The following GPBP1L1 variants were observed in gnomAD, a reference collection of about 807,000 sequenced individuals.
The protein encoded by GPBP1L1 is GC-rich promoter binding protein 1 like 1, also known as vasculin-like protein 1.
GPBP1L1 carries 23 observed loss-of-function variants against 52.5 expected under a neutral mutation model. The ratio of observed to expected loss-of-function variants is 0.44; its 90% CI spans 0.32 to 0.62. The LOEUF (loss-of-function observed/expected upper bound fraction) is 0.62. GPBP1L1 is among the 20% of genes least tolerant of loss of function. The probability of loss-of-function intolerance (pLI) is 0.06; values close to 1 mark genes in which losing one functional copy is unlikely to be tolerated. For synonymous variants in GPBP1L1, 243 were observed against 203.1 expected (o/e 1.20, Z -1.67); for missense variants, 596 against 579.3 (o/e 1.03, Z -0.30).
chr1:45,632,176 A>T (rs1363520554), intron 10 of GPBP1L1, among the ~76,000 whole-genome samples: 1 of 152,220 alleles, frequency 6.6e-6, no homozygotes, highest in African/African-American at 2.4e-5. Flanking sequence ...TCTTCAAGGA[A>T]GCAGGTTGGC....
intron 2 of GPBP1L1, among the ~76,000 whole-genome samples, chr1:45,680,364 G>A (rs1000879441): frequency 6.6e-6 from 1 of 150,728 alleles, no homozygotes; most frequent in African/African-American, 2.4e-5. Flanking sequence ...TCAGCCTCCA[G>A]AGCAGCTGGG....
chr1:45,683,284 G>A (rs1276283489), intron 2 of GPBP1L1, among the ~76,000 whole-genome samples: 1 of 137,928 alleles, frequency 7.3e-6, no homozygotes, highest in Non-Finnish European at 1.5e-5. Context: ...CGGCTCACTG[G>A]AAGCTCTGCC....
intron 8 of GPBP1L1, among the ~76,000 whole-genome samples, chr1:45,638,438 T>TAA (rs1292074936): frequency 6.6e-6 from 1 of 152,212 alleles, no homozygotes; most frequent in Non-Finnish European, 1.5e-5. Flanking sequence ...CTCAGTTATT[T>TAA]TCCTCAACTT....
rs555860388 is a variant in GPBP1L1, at chr1:45,629,540, A to G, written c.1272+36T>C. On this transcript the variant is annotated intron_variant, in intron 12 of 12. Coordinates refer to ENST00000355105, the MANE Select transcript of GPBP1L1 (RefSeq NM_021639.5). ...GTCTTGACTCCTTATTCTCCTGGTT[A>G]CTAACTGGTCTCTAGGAAGAAGGTT... 3 of 1,125,850 alleles carry G rather than the reference A, an allele frequency of 2.7e-6. No individual in the cohort carries two copies. The South Asian group carries it at 3.7e-5, about 14-fold the overall frequency. The allele number at this position is 1,125,850 out of a possible 1,614,324, so 69.7% of individuals were successfully genotyped here.
At chr1:45,686,023 G>A (rs972509045) in intron 1 of GPBP1L1, among the ~76,000 whole-genome samples, 14 of 152,056 alleles carry the variant, frequency 9.2e-5, no homozygotes, top group Non-Finnish European at 2.9e-5. Context: ...GAAAACAAAA[G>A]CCCTTAGCTC....
chr1:45,632,946 A>G (rs903163564), intron 10 of GPBP1L1, among the ~76,000 whole-genome samples: 8 of 152,242 alleles, frequency 5.3e-5, no homozygotes, highest in South Asian at 2.1e-4. Flanking sequence ...ATATGTCATC[A>G]TGGAAGTGCA....
Position 45,627,737 on chromosome 1 carries a change from A to AAATC in GPBP1L1, c.*518_*519insGATT, listed in dbSNP as rs1553178189. 6.6e-6 allele frequency: 1 copy of AAATC among 151,844 alleles called. No individual in the cohort carries two copies. The highest frequency in any genetic ancestry group is 1.9e-4 in the East Asian group (1 of 5,174). 9.4% of individuals were successfully genotyped at this position (151,844 alleles called of 1,614,324 possible). A position where few individuals can be genotyped will look rare whatever the true frequency, so the allele number is the denominator to read the frequency against. On this transcript the variant is annotated 3_prime_UTR_variant, in exon 13 of 13. Coordinates refer to ENST00000355105, the MANE Select transcript of GPBP1L1 (RefSeq NM_021639.5). ...AAAAAGGAAAAAGAAAAAAAAAACA[A>AAATC]AAAAAAACAACCAAAAAAACCCACA...
Position 45,669,008 on chromosome 1 carries a change from C to T in GPBP1L1, c.-1097-7783G>A, listed in dbSNP as rs568393304. Reference sequence around the variant, plus strand: ...GCTTCACTTAATTTCAATACATTCTCCATCTGTCATTGATACACCATTTTA... The same window carrying T: ...GCTTCACTTAATTTCAATACATTCTTCATCTGTCATTGATACACCATTTTA... On this transcript the variant is annotated intron_variant, in intron 2 of 12. Coordinates refer to ENST00000355105, the MANE Select transcript of GPBP1L1 (RefSeq NM_021639.5). Among the ~76,000 whole-genome samples the T allele has an allele frequency of 1.1e-4, 16 of 152,270 alleles. No individual in the cohort carries two copies. The South Asian group carries it at 3.1e-3, about 30-fold the overall frequency.
At chr1:45,633,140 C>T (rs1644551108) in intron 10 of GPBP1L1, among the ~76,000 whole-genome samples, 1 of 152,170 alleles carries the variant, frequency 6.6e-6, no homozygotes, top group East Asian at 1.9e-4. Context: ...ACCATATGAT[C>T]CAGCAATTGC....
chr1:45,651,115 C>A (rs1406103138), intron 6 of GPBP1L1: 2 of 503,852 alleles, frequency 4.0e-6, no homozygotes, highest in Non-Finnish European at 7.9e-6. Context: ...GACATTGCCT[C>A]CCCAGTGATG....
In GPBP1L1 at chr1:45,628,271, G is replaced by C; in HGVS notation, c.1410C>G (p.Asp470Glu). 6.2e-7 allele frequency: 1 copy of C among 1,613,872 alleles called. No individual in the cohort carries two copies. The highest frequency in any genetic ancestry group is 8.5e-7 in the Non-Finnish European group (1 of 1,179,918). ...ATTTATATGCCTACTTCCAGGCATC[G>C]TCATCTGATGTTTCACTGCTACTGG... ...TETSSSETSD[D>E]DAWK Residue 470 changes from aspartate (D) to glutamate (E), a missense_variant, in exon 13 of 13, where the codon GAC becomes GAG. By Grantham distance (45) the Asp-to-Glu change is conservative (BLOSUM62 2). Coordinates refer to ENST00000355105, the MANE Select transcript of GPBP1L1 (RefSeq NM_021639.5).
intron 4 of GPBP1L1, among the ~76,000 whole-genome samples, chr1:45,657,959 A>T (rs1192041303): frequency 6.6e-6 from 1 of 152,212 alleles, no homozygotes; most frequent in Non-Finnish European, 1.5e-5. Flanking sequence ...TTAAAATAGG[A>T]AAGGTAGGCC....
chr1:45,645,828 T>C, intron 6 of GPBP1L1: 1 of 477,196 alleles, frequency 2.1e-6, no homozygotes, highest in Non-Finnish European at 4.0e-6. Flanking sequence ...AGAAACAAAA[T>C]CCAAGGATTT....
chr1:45,642,071 G>A (rs1391794831), intron 7 of GPBP1L1, among the ~76,000 whole-genome samples: 2 of 152,022 alleles, frequency 1.3e-5, no homozygotes, highest in Non-Finnish European at 2.9e-5. Flanking sequence ...TAGGGAGGTG[G>A]AGGCTGCAGT....
intron 2 of GPBP1L1, among the ~76,000 whole-genome samples, chr1:45,665,618 G>A (rs1335852574): frequency 1.3e-5 from 2 of 151,818 alleles, no homozygotes; most frequent in African/African-American, 4.8e-5. Context: ...GTGCATGCCT[G>A]TAATCCCAGC....
chr1:45,631,543 T>G (rs965959551), intron 10 of GPBP1L1, among the ~76,000 whole-genome samples: 1 of 152,158 alleles, frequency 6.6e-6, no homozygotes. Flanking sequence ...GATTATAGGT[T>G]TGAGCCACCG....
intron 7 of GPBP1L1, among the ~76,000 whole-genome samples, chr1:45,641,079 G>C (rs1046179233): frequency 6.6e-6 from 1 of 152,098 alleles, no homozygotes; most frequent in Non-Finnish European, 1.5e-5. Flanking sequence ...CATGAGAATA[G>C]AGAGATGAGG....
At chr1:45,663,918 TGAGAA>T (rs1406716558) in intron 2 of GPBP1L1, among the ~76,000 whole-genome samples, 2 of 151,900 alleles carry the variant, frequency 1.3e-5, no homozygotes, top group Non-Finnish European at 2.9e-5. Context: ...TAAAAAATTC[TGAGAA>T]GAAAAAACAC....
chr1:45,684,294 G>T (rs1380149842), intron 2 of GPBP1L1, among the ~76,000 whole-genome samples: 1 of 142,864 alleles, frequency 7.0e-6, no homozygotes, highest in Admixed American at 7.0e-5. Flanking sequence ...GAAAAGAAAA[G>T]AAGGAAAAAA....
Sources: gnomAD v4.1 joint callset for allele counts (sites outside exome capture counted in the v4.1 genomes callset) on GRCh38, gnomAD v4.1.1 for gene constraint, MANE v1.5 for transcripts, NCBI Gene and HGNC (gene_info 2026-07-23, HGNC 2026-07-21) for gene names.